RELCH: variants seen among roughly 807,000 people sequenced by gnomAD.
RELCH encodes RAB11 binding and LisH domain, coiled-coil and HEAT repeat containing, also known as RAB11-binding protein RELCH.
A neutral mutation model predicts 150.3 loss-of-function variants in RELCH; 41 were observed. The observed-to-expected ratio is 0.27, with a 90% CI of 0.21 to 0.35. The LOEUF (loss-of-function observed/expected upper bound fraction) is 0.35. Among genes scored for constraint, RELCH ranks in the 10% least tolerant of loss-of-function variants. The probability of loss-of-function intolerance (pLI) is 1.00; values close to 1 mark genes in which losing one functional copy is unlikely to be tolerated. For synonymous variants in RELCH, 478 were observed against 531.8 expected (o/e 0.90, Z 1.39); for missense variants, 1,092 against 1,467.8 (o/e 0.74, Z 4.18).
intron 2 of RELCH, among the ~76,000 whole-genome samples, chr18:62,212,554 CG>C (rs997882772): frequency 7.9e-5 from 12 of 152,218 alleles, no homozygotes; most frequent in Admixed American, 6.5e-5. Context: ...GCTTAACCCT[CG>C]TGGTCATTAT....
intron 1 of RELCH, among the ~76,000 whole-genome samples, chr18:62,191,923 G>T (rs1006562955): frequency 2.6e-5 from 4 of 152,190 alleles, no homozygotes; most frequent in Non-Finnish European, 5.9e-5. Flanking sequence ...TAATGGGATT[G>T]CTGGGTCAAA....
At chr18:62,211,936 G>T (rs541363081) in intron 2 of RELCH, among the ~76,000 whole-genome samples, 3 of 152,088 alleles carry the variant, frequency 2.0e-5, no homozygotes, top group Admixed American at 6.5e-5. Flanking sequence ...GGTTAAAGAG[G>T]GTTAATGATT....
chr18:62,215,750 A>G (rs2040438954), intron 2 of RELCH, among the ~76,000 whole-genome samples: 1 of 152,160 alleles, frequency 6.6e-6, no homozygotes, highest in South Asian at 2.1e-4. Flanking sequence ...CATGATCAGG[A>G]TGTATCACAT....
chr18:62,289,959 T>C (rs949299489), intron 26 of RELCH, among the ~76,000 whole-genome samples: 2 of 152,214 alleles, frequency 1.3e-5, no homozygotes, highest in Non-Finnish European at 2.9e-5. Context: ...TTCACAGTTA[T>C]ATTTTGGTGC....
Position 62,307,481 on chromosome 18 carries a change from C to A in RELCH, c.*1947C>A, listed in dbSNP as rs901310938. On this transcript the variant is annotated 3_prime_UTR_variant, in exon 29 of 29. Coordinates refer to ENST00000644646, the MANE Select transcript of RELCH (RefSeq NM_001346231.2). ...ATGTTTTTTTAAAGGCAATAGTAGG[C>A]AAGATTCACAGTGTATTTCAAGTGA... 1.3e-5 allele frequency: 2 copies of A among 151,968 alleles called. No individual in the cohort carries two copies. Among genetic ancestry groups the A allele is most frequent in the African/African-American group, 4.8e-5 (2 of 41,382 alleles). The allele number at this position is 151,968 out of a possible 1,614,324, so 9.4% of individuals were successfully genotyped here. A position where few individuals can be genotyped will look rare whatever the true frequency, so the allele number is the denominator to read the frequency against.
intron 26 of RELCH, among the ~76,000 whole-genome samples, chr18:62,289,568 G>A (rs1464690512): frequency 2.0e-5 from 3 of 152,180 alleles, no homozygotes; most frequent in African/African-American, 4.8e-5. Context: ...ACACTGTGCA[G>A]CTAAGGTACA....
Position 62,211,245 on chromosome 18 carries a change from G to A in RELCH, c.616+3G>A. On this transcript the variant is annotated splice_donor_region_variant and intron_variant, in intron 2 of 28. Coordinates refer to ENST00000644646, the MANE Select transcript of RELCH (RefSeq NM_001346231.2). ...GGAAACAGATGAAAAAGTGGCAGGTGAGTAAAATTGTAAGGACAGATTTGG... is the reference window on the plus strand; with the variant it reads ...GGAAACAGATGAAAAAGTGGCAGGTAAGTAAAATTGTAAGGACAGATTTGG... The A allele has an allele frequency of 6.4e-7, 1 of 1,556,606 alleles. No individual in the cohort carries two copies. Among genetic ancestry groups the A allele is most frequent in the East Asian group, 2.2e-5 (1 of 44,470 alleles).
At chr18:62,252,162 ATT>A (rs138202096) in intron 11 of RELCH, among the ~76,000 whole-genome samples, 1,688 of 133,818 alleles carry the variant, frequency 0.013, 85 homozygotes, top group East Asian at 0.099. Context: ...CGCCCGGCTA[ATT>A]TTTTTTTTTT....
intron 1 of RELCH, among the ~76,000 whole-genome samples, chr18:62,201,820 A>C (rs1334740263): frequency 1.3e-5 from 2 of 152,160 alleles, no homozygotes; most frequent in African/African-American, 4.8e-5. Context: ...TAAATTACCC[A>C]ATACTCTTTT....
intron 12 of RELCH, among the ~76,000 whole-genome samples, chr18:62,254,971 T>C (rs905902480): frequency 9.2e-5 from 14 of 152,172 alleles, no homozygotes; most frequent in African/African-American, 3.4e-4. Context: ...GGTCAAATCA[T>C]TGATTAACTT....
chr18:62,220,874 C>T (rs2040822037), intron 2 of RELCH, 163 bp from the exon 3 acceptor site: 2 of 659,402 alleles, frequency 3.0e-6, no homozygotes, highest in Non-Finnish European at 2.7e-6. Flanking sequence ...TGCAAATCAA[C>T]TCTGCTGCAT....
intron 1 of RELCH, among the ~76,000 whole-genome samples, chr18:62,204,100 A>G (rs1435638911): frequency 6.6e-6 from 1 of 152,158 alleles, no homozygotes; most frequent in Admixed American, 6.5e-5. Context: ...CAAGCAAAAA[A>G]TTTGATGATA....
At position 62,310,067 on chromosome 18, in the gene RELCH, T is replaced by G. The variant is rs1289010461; in HGVS notation, c.*4533T>G. ...TGTTACAGATAATCTCTCTATAAAATGTACATTGCTGAGTAATATAAATAT... is the reference window on the plus strand; with the variant it reads ...TGTTACAGATAATCTCTCTATAAAAGGTACATTGCTGAGTAATATAAATAT... On this transcript the variant is annotated 3_prime_UTR_variant, in exon 29 of 29. Transcript: ENST00000644646. The G allele has an allele frequency of 7.0e-6, 1 of 143,222 alleles. No individual in the cohort carries two copies. The highest frequency in any genetic ancestry group is 2.6e-5 in the African/African-American group (1 of 38,880). The allele number at this position is 143,222 out of a possible 1,614,324, so 8.9% of individuals were successfully genotyped here. A position where few individuals can be genotyped will look rare whatever the true frequency, so the allele number is the denominator to read the frequency against.
At position 62,229,514 on chromosome 18, in the gene RELCH, G is replaced by C. The variant is rs200518443; in HGVS notation, c.1448+916G>C. 2.6e-3 allele frequency among the ~76,000 whole-genome samples: 377 copies of C among 143,364 alleles called. 1 individual carries two copies. Among genetic ancestry groups the C allele is most frequent in the Admixed American group, 4.1e-3 (57 of 14,022 alleles). 94.1% of individuals were successfully genotyped at this position (143,364 alleles called of 152,430 possible). ...TGTGTGTGTGTGTGTGTGTGTGTGT[G>C]TGTGTGTCTGTCTGTCTGTCTGTCT... On this transcript the variant is annotated intron_variant, in intron 8 of 28. Coordinates refer to ENST00000644646, the MANE Select transcript of RELCH (RefSeq NM_001346231.2).
chr18:62,251,323 T>C (rs1248390146), intron 11 of RELCH, among the ~76,000 whole-genome samples: 2 of 152,232 alleles, frequency 1.3e-5, no homozygotes, highest in East Asian at 3.8e-4. Context: ...CTTTTAATCT[T>C]AATCACACAG....
At chr18:62,217,509 G>C (rs1456532806) in intron 2 of RELCH, among the ~76,000 whole-genome samples, 1 of 151,900 alleles carries the variant, frequency 6.6e-6, no homozygotes, top group Non-Finnish European at 1.5e-5. Context: ...TTCCCATTTG[G>C]CCAACTGGGT....
At chr18:62,267,434 A>ATATGTG (rs1555743290) in intron 19 of RELCH, among the ~76,000 whole-genome samples, 1 of 143,430 alleles carries the variant, frequency 7.0e-6, no homozygotes. Flanking sequence ...GTATATATGT[A>ATATGTG]TGTGTGTGTG....
At chr18:62,198,544 T>A (rs903982753) in intron 1 of RELCH, among the ~76,000 whole-genome samples, 1 of 152,226 alleles carries the variant, frequency 6.6e-6, no homozygotes, top group African/African-American at 2.4e-5. Context: ...GTAGTATCGT[T>A]GACATTTCTG....
At position 62,228,438 on chromosome 18, in the gene RELCH, A is replaced by G. The variant is rs1211193722; in HGVS notation, c.1288A>G (p.Lys430Glu). The G allele has an allele frequency of 1.2e-6, 2 of 1,613,406 alleles. No individual in the cohort carries two copies. The highest frequency in any genetic ancestry group is 1.3e-5 in the African/African-American group (1 of 74,986). ...GCATCCAGATGTAAATAGTTCAGAC[A>G]AGGGAAAAAACACAGACATCCATCT... Reference protein sequence around the residue: ...GQHPDVNSSDKGKNTDIHLSI... With the variant: ...GQHPDVNSSDEGKNTDIHLSI... Residue 430 changes from lysine (K) to glutamate (E), a missense_variant, in exon 8 of 29, where the codon AAG becomes GAG. Lys to Glu is a moderately conservative substitution (Grantham distance 56, BLOSUM62 1). This residue lies in a region of RELCH where 707 missense variants were observed against 1,025.4 expected (regional missense o/e 0.69). Coordinates refer to ENST00000644646, the MANE Select transcript of RELCH (RefSeq NM_001346231.2).
Sources: allele counts gnomAD v4.1 joint callset (sites outside exome capture counted in the v4.1 genomes callset), GRCh38; gene constraint gnomAD v4.1.1; regional missense constraint gnomAD v4.1.1; transcripts MANE v1.5; gene names NCBI Gene and HGNC (gene_info 2026-07-23, HGNC 2026-07-21).